BST1: variants seen among roughly 807,000 people sequenced by gnomAD.
BST1 encodes bone marrow stromal cell antigen 1, also known as ADP-ribosyl cyclase/cyclic ADP-ribose hydrolase 2.
A neutral mutation model predicts 40.6 loss-of-function variants in BST1; 49 were observed. The ratio of observed to expected loss-of-function variants is 1.21; its 90% CI spans 0.96 to 1.53. The LOEUF (loss-of-function observed/expected upper bound fraction) is 1.53, where lower values mean the gene tolerates loss of function less well. BST1 is among the 40% of genes most tolerant of loss of function. BST1 has a pLI of 0.00. For missense variants in BST1, 423 were observed against 395.9 expected (o/e 1.07, Z -0.58); for synonymous variants, 157 against 159.3 (o/e 0.99, Z 0.11).
At chr4:15,740,138 C>G (rs774419599), downstream of BST1, among the ~76,000 whole-genome samples, 4 of 152,182 alleles carry the variant, frequency 2.6e-5, no homozygotes, top group Non-Finnish European at 4.4e-5. Flanking sequence ...ACTGCAACGT[C>G]TGCCTCCCAG....
downstream of BST1, among the ~76,000 whole-genome samples, chr4:15,743,034 AT>A (rs1165857832): frequency 6.6e-6 from 1 of 152,206 alleles, no homozygotes. Context: ...TTTGAAATTA[AT>A]TTTTCCTTAT....
chr4:15,718,835 T>C, intron 6 of BST1, 72 bp from the exon 7 acceptor site: 1 of 1,330,352 alleles, frequency 7.5e-7, no homozygotes, highest in Non-Finnish European at 1.0e-6. Context: ...AGAAATTATG[T>C]TTAACCCAGA....
At chr4:15,728,392 T>C (rs1437447739) in intron 8 of BST1, among the ~76,000 whole-genome samples, 1 of 152,134 alleles carries the variant, frequency 6.6e-6, no homozygotes, top group Non-Finnish European at 1.5e-5. Context: ...AGAACAGCTG[T>C]TGGATTAAAC....
rs1469411060 is a variant in BST1, at chr4:15,731,763, A to G, written c.875A>G (p.Lys292Arg). ...LKSAAAATQR[K>R]APSLYTEQRA... ...AGGGCAGCAGCCGCTACTCAAAGAA[A>G]AGCCCCAAGTCTTTATACAGAACAA... Residue 292 changes from lysine to arginine, a missense_variant, in exon 9 of 9, where the codon AAA becomes AGA. Transcript: ENST00000265016. The G allele has an allele frequency of 5.0e-6, 8 of 1,613,380 alleles. No individual in the cohort carries two copies. Among genetic ancestry groups the G allele is most frequent in the Non-Finnish European group, 6.8e-6 (8 of 1,179,772 alleles).
Position 15,731,939 on chromosome 4 carries a change from C to A in BST1, c.*94C>A. 7.1e-7 allele frequency: 1 copy of A among 1,410,020 alleles called. No homozygotes were observed. The highest frequency in any genetic ancestry group is 9.3e-7 in the Non-Finnish European group (1 of 1,074,214). The allele number at this position is 1,410,020 out of a possible 1,614,324, so 87.3% of individuals were successfully genotyped here. ...TGTGTATACCAAATGATTCTGTTAT[C>A]TAAAGAAGCTTTTTGCTGGGAAAAC... is the stretch of plus-strand genomic sequence containing the variant. On this transcript the variant is annotated 3_prime_UTR_variant, in exon 9 of 9. Coordinates refer to ENST00000265016, the MANE Select transcript of BST1 (RefSeq NM_004334.3).
chr4:15,745,312 T>C, the BST1 span, among the ~76,000 whole-genome samples: 1 of 152,170 alleles, frequency 6.6e-6, no homozygotes, highest in East Asian at 1.9e-4. Context: ...AATTTGTAGG[T>C]TTATGTTGTA....
At chr4:15,720,472 C>G (rs1012859847) in intron 7 of BST1, among the ~76,000 whole-genome samples, 19 of 152,008 alleles carry the variant, frequency 1.2e-4, no homozygotes, top group Admixed American at 1.2e-3. Context: ...CAAAAATTAG[C>G]CGCGTGTGGT....
the BST1 span, among the ~76,000 whole-genome samples, chr4:15,767,105 A>C: frequency 2.0e-5 from 3 of 150,400 alleles, no homozygotes; most frequent in Non-Finnish European, 2.9e-5. Flanking sequence ...GCCTAAAAAG[A>C]CCCCTGCAAA....
chr4:15,713,956 A>T (rs1448615447), intron 4 of BST1, among the ~76,000 whole-genome samples: 3 of 152,062 alleles, frequency 2.0e-5, no homozygotes, highest in Non-Finnish European at 4.4e-5. Flanking sequence ...TGCCCACCTC[A>T]GTCTCCCAAA....
At chr4:15,750,207 T>TA in the BST1 span, among the ~76,000 whole-genome samples, 1 of 152,142 alleles carries the variant, frequency 6.6e-6, no homozygotes, top group Non-Finnish European at 1.5e-5. Context: ...GTATTTTTAG[T>TA]AGAGATTTGG....
chr4:15,731,540 C>T, intron 8 of BST1, 200 bp from the exon 9 acceptor site: 1 of 1,038,488 alleles, frequency 9.6e-7, no homozygotes, highest in Non-Finnish European at 1.5e-6. Flanking sequence ...TCCACCATCT[C>T]CAGAAACTTG....
intron 4 of BST1, 29 bp downstream of exon 4, chr4:15,711,918 G>T: frequency 6.3e-7 from 1 of 1,585,302 alleles, no homozygotes; most frequent in South Asian, 1.1e-5. Context: ...CTGAGTGGTT[G>T]AGCATGTGTG....
intron 7 of BST1, among the ~76,000 whole-genome samples, chr4:15,719,313 A>G (rs957316484): frequency 1.3e-5 from 2 of 152,070 alleles, no homozygotes; most frequent in African/African-American, 4.8e-5. Flanking sequence ...TGAGGTTCCT[A>G]TGTCTTTGGA....
the BST1 span, among the ~76,000 whole-genome samples, chr4:15,750,980 A>C: frequency 1.3e-5 from 2 of 152,194 alleles, no homozygotes; most frequent in African/African-American, 4.8e-5. Context: ...TACAAAGGTG[A>C]ATCCACATGA....
At chr4:15,719,070 T>C (rs918444020) in intron 7 of BST1, 77 bp downstream of exon 7, 2 of 1,288,166 alleles carry the variant, frequency 1.6e-6, no homozygotes, top group Non-Finnish European at 2.2e-6. Context: ...CGAAAGGGTA[T>C]TGATGGCTCT....
At chr4:15,767,920 C>T in the BST1 span, among the ~76,000 whole-genome samples, 1 of 152,158 alleles carries the variant, frequency 6.6e-6, no homozygotes. Context: ...CATGCTCAGC[C>T]CCCTTGTAGT....
chr4:15,743,259 G>T (rs1721786995), downstream of BST1: 2 of 222,486 alleles, frequency 9.0e-6, no homozygotes, highest in South Asian at 1.4e-4. Flanking sequence ...CAAAGTTTTT[G>T]ACACTCAACA....
chr4:15,706,949 T>A (rs1206064472), intron 2 of BST1, among the ~76,000 whole-genome samples: 1 of 152,216 alleles, frequency 6.6e-6, no homozygotes, highest in Non-Finnish European at 1.5e-5. Context: ...GAGGGTCAGA[T>A]GAAATAGTGA....
chr4:15,738,945 AGTCTTTC>A (rs1165255138), downstream of BST1, among the ~76,000 whole-genome samples: 1 of 152,242 alleles, frequency 6.6e-6, no homozygotes, highest in African/African-American at 2.4e-5. Context: ...TTTCCATTTC[AGTCTTTC>A]TGAAGTTTCC....
Sources: allele counts gnomAD v4.1 joint callset (sites outside exome capture counted in the v4.1 genomes callset), GRCh38; gene constraint gnomAD v4.1.1; transcripts MANE v1.5; gene names NCBI Gene and HGNC (gene_info 2026-07-23, HGNC 2026-07-21).